IKZF1: variants seen among roughly 807,000 people sequenced by gnomAD.
The protein encoded by IKZF1 is IKAROS family zinc finger 1.
Under a neutral mutation model 51.7 loss-of-function variants are expected in IKZF1, and 10 were observed. The observed-to-expected ratio is 0.19, with a 90% CI of 0.12 to 0.33. The LOEUF is 0.33. Among genes scored for constraint, IKZF1 ranks in the 10% least tolerant of loss-of-function variants. IKZF1 has a pLI of 1.00. For synonymous variants in IKZF1, 280 were observed against 282.3 expected, an observed-to-expected ratio of 0.99 and a Z score of 0.08; for missense variants, 484 against 707.5, an observed-to-expected ratio of 0.68 and a Z score of 3.58.
At chr7:50,373,465 C>T (rs1226849537) in intron 3 of IKZF1, among the ~76,000 whole-genome samples, 1 of 152,142 alleles carries the variant, frequency 6.6e-6, no homozygotes, top group Non-Finnish European at 1.5e-5. Context: ...AGTCAAGCCG[C>T]GTAGGGGAAC....
At chr7:50,365,565 A>T (rs1806645374) in intron 3 of IKZF1, among the ~76,000 whole-genome samples, 1 of 152,214 alleles carries the variant, frequency 6.6e-6, no homozygotes. Flanking sequence ...GAGAAATGCA[A>T]ATCAAAACCA....
intron 3 of IKZF1, among the ~76,000 whole-genome samples, chr7:50,363,364 G>A (rs1391433503): frequency 6.6e-6 from 1 of 152,172 alleles, no homozygotes; most frequent in Non-Finnish European, 1.5e-5. Flanking sequence ...GGCCTGCATG[G>A]TGTGACCCTT....
At chr7:50,359,697 A>G (rs1804646412) in intron 3 of IKZF1, among the ~76,000 whole-genome samples, 1 of 152,258 alleles carries the variant, frequency 6.6e-6, no homozygotes, top group Admixed American at 6.5e-5. Context: ...TGTGTGCACC[A>G]GTGCACCAGA....
intron 3 of IKZF1, among the ~76,000 whole-genome samples, chr7:50,347,912 G>T (rs1214017367): frequency 6.6e-6 from 1 of 152,192 alleles, no homozygotes; most frequent in African/African-American, 2.4e-5. Flanking sequence ...CCTCGTGTTT[G>T]CATTGAACCA....
upstream of IKZF1, among the ~76,000 whole-genome samples, chr7:50,303,894 C>T (rs1584316663): frequency 6.9e-6 from 1 of 145,780 alleles, no homozygotes; most frequent in African/African-American, 2.5e-5. This position sits in a 1 kb window ranked among gnomAD's most constrained non-coding sequence, Gnocchi z 4.7. Context: ...CCACGGGTTA[C>T]GCGCGGGTCC....
At chr7:50,397,414 T>C (rs1194351075) in intron 7 of IKZF1, among the ~76,000 whole-genome samples, 1 of 152,214 alleles carries the variant, frequency 6.6e-6, no homozygotes, top group Non-Finnish European at 1.5e-5. Flanking sequence ...TATATGTTGA[T>C]TTTTTTCCTA....
intron 2 of IKZF1, among the ~76,000 whole-genome samples, chr7:50,323,920 T>A (rs1167205959): frequency 6.6e-6 from 1 of 152,198 alleles, no homozygotes; most frequent in Non-Finnish European, 1.5e-5. Flanking sequence ...CTTTTTCCAC[T>A]TGAGGAAAGG....
chr7:50,318,300 C>G, intron 1 of IKZF1: 3 of 206,802 alleles, frequency 1.5e-5, no homozygotes, highest in Non-Finnish European at 1.9e-5. Context: ...TCTTTCTTTT[C>G]TTTTTTTTTT....
rs1817991735 is a variant in IKZF1 at position 50,400,838 on chromosome 7, T to C, written c.*211T>C. On this transcript the variant is annotated 3_prime_UTR_variant, in exon 8 of 8. Transcript: ENST00000331340. This position sits in a 1 kb window ranked among gnomAD's most constrained non-coding sequence, Gnocchi z 5.4. ...TTTTATTTTTAGAGGCAGGGCTGCA[T>C]TGGGAGCATCCAGAACTGCTACCTT... The C allele has an allele frequency of 3.2e-5, 21 of 647,662 alleles. No homozygotes were observed. In the South Asian group the frequency reaches 4.1e-4, roughly 13 times the overall value. The allele number at this position is 647,662 out of a possible 1,614,324, so 40.1% of individuals were successfully genotyped here.
At position 50,403,174 on chromosome 7, in the gene IKZF1, AAC is replaced by A. The variant is rs1818437150; in HGVS notation, c.*2550_*2551del. ...ACCTTTTGTTGTGGTTTTATATTGT[AAC>A]ACCATTTTTCTTTGAAACTATTGTA... On this transcript the variant is annotated 3_prime_UTR_variant, in exon 8 of 8. Transcript: ENST00000331340. 1 of 220,014 alleles carries A rather than the reference AAC, an allele frequency of 4.5e-6. No individual in the cohort carries two copies. Among genetic ancestry groups the A allele is most frequent in the African/African-American group, 2.2e-5 (1 of 44,656 alleles). 13.6% of individuals were successfully genotyped at this position (220,014 alleles called of 1,614,324 possible).
intron 3 of IKZF1, among the ~76,000 whole-genome samples, chr7:50,340,671 G>T (rs1419121549): frequency 6.6e-6 from 1 of 152,238 alleles, no homozygotes; most frequent in Non-Finnish European, 1.5e-5. Context: ...GTGCTCTCCA[G>T]TTGAACTTGG....
intron 3 of IKZF1, chr7:50,368,065 C>T (rs762156802): frequency 1.6e-5 from 11 of 703,102 alleles, no homozygotes; most frequent in Admixed American, 6.0e-5. Context: ...ATCTTTCTCT[C>T]GTAAGTATAT....
chr7:50,304,350 C>A (rs1788254245), upstream of IKZF1: 2 of 149,572 alleles, frequency 1.3e-5, no homozygotes, highest in South Asian at 4.1e-4. Flanking sequence ...ATCCGGGAGG[C>A]GGCCGAGAGG....
intron 3 of IKZF1, among the ~76,000 whole-genome samples, chr7:50,338,159 C>T (rs1798228895): frequency 1.3e-5 from 2 of 152,148 alleles, no homozygotes; most frequent in Admixed American, 1.3e-4. Flanking sequence ...ACCATGCTTG[C>T]AGTGATGACT....
Position 50,404,174 on chromosome 7 carries a change from A to C in IKZF1, c.*3547A>C, listed in dbSNP as rs1818608118. On this transcript the variant is annotated 3_prime_UTR_variant, in exon 8 of 8. Coordinates refer to ENST00000331340, the MANE Select transcript of IKZF1 (RefSeq NM_006060.6). The stretch of plus-strand genomic sequence containing the variant: ...AATACTTTCTAATACAGTTTTTTAT[A>C]ATGTTGTGTGTGGTGATTGTTCAGG... 4.7e-6 allele frequency: 1 copy of C among 214,592 alleles called. No homozygotes were observed. The highest frequency in any genetic ancestry group is 9.4e-6 in the Non-Finnish European group (1 of 106,140). 13.3% of individuals were successfully genotyped at this position (214,592 alleles called of 1,614,324 possible).
At chr7:50,371,425 C>T (rs769401936) in intron 3 of IKZF1, among the ~76,000 whole-genome samples, 1 of 152,224 alleles carries the variant, frequency 6.6e-6, no homozygotes, top group South Asian at 2.1e-4. Context: ...CCAACACCCA[C>T]TTGTTCTTTT....
At chr7:50,392,441 C>T (rs1668692550) in intron 7 of IKZF1, among the ~76,000 whole-genome samples, 1 of 152,166 alleles carries the variant, frequency 6.6e-6, no homozygotes, top group African/African-American at 2.4e-5. Flanking sequence ...GAGCATTGCC[C>T]AGAGTAGGTA....
At chr7:50,367,878 G>T in intron 3 of IKZF1, 1 of 601,436 alleles carries the variant, frequency 1.7e-6, no homozygotes, top group Non-Finnish European at 2.9e-6. Context: ...TAGCAGATGA[G>T]TAGCTGAACA....
chr7:50,336,807 C>G, intron 3 of IKZF1, among the ~76,000 whole-genome samples: 1 of 152,234 alleles, frequency 6.6e-6, no homozygotes, highest in East Asian at 1.9e-4. Flanking sequence ...ACGGAACAGT[C>G]TGGAAGGTAG....
Sources: gnomAD v4.1 joint callset for allele counts (sites outside exome capture counted in the v4.1 genomes callset) on GRCh38, gnomAD v4.1.1 for gene constraint, Gnocchi (gnomAD v3.1) non-coding constraint, MANE v1.5 for transcripts, NCBI Gene and HGNC (gene_info 2026-07-23, HGNC 2026-07-21) for gene names.